The following HLCS variants were observed in gnomAD, a reference collection of about 807,000 sequenced individuals.
The protein encoded by HLCS is biotin--protein ligase.
In HLCS, 53 loss-of-function variants were observed where a neutral mutation model predicts 75.0. That is an observed-to-expected ratio of 0.71 (90% CI 0.57 to 0.89). HLCS has a LOEUF of 0.89. Among genes scored for constraint, HLCS ranks in the 40% least tolerant of loss-of-function variants. HLCS has a pLI of 0.00. For synonymous variants in HLCS, 431 were observed against 428.6 expected (o/e 1.01, Z -0.07); for missense variants, 966 against 1,074.0 (o/e 0.90, Z 1.41).
chr21:36,870,335 C>T (rs1041081055), intron 6 of HLCS, among the ~76,000 whole-genome samples: 1 of 152,200 alleles, frequency 6.6e-6, no homozygotes, highest in Non-Finnish European at 1.5e-5. Flanking sequence ...CACCTAAGTT[C>T]TCCTTAGCAG....
intron 5 of HLCS, among the ~76,000 whole-genome samples, chr21:36,928,501 T>C (rs1297905247): frequency 1.3e-5 from 2 of 151,774 alleles, no homozygotes; most frequent in Non-Finnish European, 2.9e-5. Context: ...GCTTGGGAGG[T>C]GGAGGCTGCA....
intron 5 of HLCS, among the ~76,000 whole-genome samples, chr21:36,901,462 A>G (rs1458394690): frequency 2.0e-5 from 3 of 152,238 alleles, no homozygotes; most frequent in Non-Finnish European, 2.9e-5. Flanking sequence ...GCTGTCACAA[A>G]GGACTACAAA....
intron 6 of HLCS, among the ~76,000 whole-genome samples, chr21:36,875,458 T>C (rs996300033): frequency 6.6e-6 from 1 of 152,220 alleles, no homozygotes; most frequent in Non-Finnish European, 1.5e-5. Context: ...CGCTGAGAGC[T>C]GGACACATGT....
chr21:36,897,039 T>C lies in HLCS; in HGVS notation c.1713A>G (p.Ser571=). ...TTATTTCTACTTCAGACACGTAGGATGAAACAAATCTAAGAGAGAGCTGGC... is the reference window on the plus strand; with the variant it reads ...TTATTTCTACTTCAGACACGTAGGACGAAACAAATCTAAGAGAGAGCTGGC... ...KSGQLSLRFV[S]SYVSEVEITP... is the part of the protein sequence containing the mutation. Residue 571 remains serine (S), a synonymous_variant, in exon 6 of 11, where the codon TCA becomes TCG. Transcript: ENST00000674895. 1 of 1,614,196 alleles carries C rather than the reference T, an allele frequency of 6.2e-7. No individual in the cohort carries two copies. The highest frequency in any genetic ancestry group is 8.5e-7 in the Non-Finnish European group (1 of 1,180,024).
chr21:36,814,385 T>C (rs545929600), intron 6 of HLCS, among the ~76,000 whole-genome samples: 1 of 152,360 alleles, frequency 6.6e-6, no homozygotes, highest in African/African-American at 2.4e-5. Context: ...AATGCCCATT[T>C]AAATGTGAAT....
chr21:36,939,906 G>A (rs566467926), intron 2 of HLCS, among the ~76,000 whole-genome samples: 9 of 152,212 alleles, frequency 5.9e-5, no homozygotes, highest in African/African-American at 1.4e-4. Flanking sequence ...AAAATTAGCC[G>A]GGCGTGGTGT....
In HLCS at chr21:36,875,673, C is replaced by T. The variant is rs1183223767; in HGVS notation, c.1892+21187G>A. Among the ~76,000 whole-genome samples, 5 of 152,242 alleles carry T rather than the reference C, an allele frequency of 3.3e-5. No homozygotes were observed. The South Asian group carries it at 6.2e-4, about 19-fold the overall frequency. On this transcript the variant is annotated intron_variant, in intron 6 of 10. Transcript: ENST00000674895. Reference sequence around the variant, plus strand: ...GTCTCCTGAGAGCTGTTCTGCCACTCAATGAAGCTTCTCTCTGCCTTGCTC... The same window carrying T: ...GTCTCCTGAGAGCTGTTCTGCCACTTAATGAAGCTTCTCTCTGCCTTGCTC...
At chr21:36,895,714 A>C (rs2064986254) in intron 6 of HLCS, among the ~76,000 whole-genome samples, 1 of 152,224 alleles carries the variant, frequency 6.6e-6, no homozygotes, top group Admixed American at 6.5e-5. Flanking sequence ...ATCAAGAAAA[A>C]GGCCAAAATA....
chr21:36,910,909 C>T (rs1332258934), intron 5 of HLCS, among the ~76,000 whole-genome samples: 2 of 152,182 alleles, frequency 1.3e-5, no homozygotes, highest in African/African-American at 4.8e-5. Context: ...GCCCCAAGCA[C>T]CGGCACACAA....
At chr21:36,778,580 T>A (rs950624557) in intron 6 of HLCS, among the ~76,000 whole-genome samples, 1 of 152,326 alleles carries the variant, frequency 6.6e-6, no homozygotes, top group Middle Eastern at 3.4e-3. Context: ...TGCCTGGCCT[T>A]GAATCAATTA....
At chr21:36,762,396 G>A (rs1425444659) in intron 8 of HLCS, among the ~76,000 whole-genome samples, 1 of 152,084 alleles carries the variant, frequency 6.6e-6, no homozygotes, top group Admixed American at 6.5e-5. Context: ...GGCCCGGGGG[G>A]ACTTCATGGA....
chr21:36,805,610 TC>T (rs758368265), intron 6 of HLCS, among the ~76,000 whole-genome samples: 2 of 152,126 alleles, frequency 1.3e-5, no homozygotes, highest in Non-Finnish European at 2.9e-5. Flanking sequence ...GCCCAGCTGG[TC>T]CTCCCGAGTC....
At chr21:36,982,676 G>A (rs1022592506) in intron 1 of HLCS, among the ~76,000 whole-genome samples, 28 of 152,212 alleles carry the variant, frequency 1.8e-4, no homozygotes, top group African/African-American at 6.0e-4. Flanking sequence ...CTAAATTTAC[G>A]CATTGTAGCT....
chr21:36,946,949 G>A (rs970957493), intron 2 of HLCS, among the ~76,000 whole-genome samples: 10 of 152,158 alleles, frequency 6.6e-5, no homozygotes, highest in African/African-American at 1.4e-4. Context: ...GGGAAAGGAC[G>A]TCAGTTCAGG....
chr21:36,817,756 G>T (rs1187950006), intron 6 of HLCS, among the ~76,000 whole-genome samples: 1 of 152,186 alleles, frequency 6.6e-6, no homozygotes, highest in Non-Finnish European at 1.5e-5. Context: ...AAGATTCTGT[G>T]TTCTATTGTG....
chr21:36,874,404 A>AAAATAAAAT (rs1350934078), intron 6 of HLCS, among the ~76,000 whole-genome samples: 22 of 121,908 alleles, frequency 1.8e-4, no homozygotes, highest in African/African-American at 9.0e-4. Flanking sequence ...TCCGTCTCAA[A>AAAATAAAAT]AAAATAAAAT....
rs538551014 is a variant in HLCS, at chr21:36,962,530, G to A, written c.196-360C>T. 2.7e-4 allele frequency among the ~76,000 whole-genome samples: 41 copies of A among 152,220 alleles called. 1 individual carries two copies. The South Asian group carries it at 7.9e-3, about 29-fold the overall frequency. The stretch of plus-strand genomic sequence containing the variant: ...CTGGCCGGCACAGTGGCTCACGCCT[G>A]TAATCCTAGCACTTTGGGAGGCCAA... On this transcript the variant is annotated intron_variant, in intron 1 of 10. Transcript: ENST00000674895.
At chr21:36,958,008 C>T (rs1248603146) in intron 2 of HLCS, among the ~76,000 whole-genome samples, 1 of 151,002 alleles carries the variant, frequency 6.6e-6, no homozygotes, top group Non-Finnish European at 1.5e-5. Flanking sequence ...CAGGTGGATC[C>T]CAAGGTCAGG....
At chr21:36,851,896 G>C (rs2063018804) in intron 6 of HLCS, 1 of 152,232 alleles carries the variant, frequency 6.6e-6, no homozygotes, top group South Asian at 2.1e-4. Context: ...TTAGGAAAAA[G>C]GTAGAAAAAC....
Sources: gnomAD v4.1 joint callset for allele counts (sites outside exome capture counted in the v4.1 genomes callset) on GRCh38, gnomAD v4.1.1 for gene constraint, MANE v1.5 for transcripts, NCBI Gene and HGNC (gene_info 2026-07-23, HGNC 2026-07-21) for gene names.